The following TSHZ3 variants were observed in gnomAD, a reference collection of about 807,000 sequenced individuals.
The protein encoded by TSHZ3 is teashirt zinc finger homeobox 3.
TSHZ3 carries 10 observed loss-of-function variants against 64.5 expected under a neutral mutation model. The observed-to-expected ratio is 0.16, with a 90% CI of 0.10 to 0.26. The LOEUF (loss-of-function observed/expected upper bound fraction) is 0.26. Among genes scored for constraint, TSHZ3 ranks in the 10% least tolerant of loss-of-function variants. TSHZ3 has a pLI of 1.00. For missense variants in TSHZ3, 1,242 were observed against 1,421.7 expected (o/e 0.87, Z 2.03); for synonymous variants, 608 against 593.1 (o/e 1.03, Z -0.36).
exon 7 of TSHZ3, among the ~76,000 whole-genome samples, chr19:31,150,882 G>C (rs1362220684): frequency 6.6e-6 from 1 of 152,058 alleles, no homozygotes; most frequent in African/African-American, 2.4e-5. Context: ...ATCTAAGCTG[G>C]ACATCAGGAG....
intron 1 of TSHZ3, among the ~76,000 whole-genome samples, chr19:31,283,868 G>C (rs903869068): frequency 7.9e-5 from 12 of 152,306 alleles, no homozygotes; most frequent in African/African-American, 2.9e-4. Context: ...ATCAGGCAAG[G>C]AGGGGAGGAA....
At chr19:31,190,168 C>T (rs1341581425) in intron 5 of TSHZ3, among the ~76,000 whole-genome samples, 2 of 152,132 alleles carry the variant, frequency 1.3e-5, no homozygotes, top group African/African-American at 4.8e-5. Flanking sequence ...ATGGCTGGAA[C>T]TTAAAAGACA....
chr19:31,281,507 G>A (rs1976360677), intron 1 of TSHZ3, among the ~76,000 whole-genome samples: 1 of 152,158 alleles, frequency 6.6e-6, no homozygotes, highest in Non-Finnish European at 1.5e-5. Context: ...CAGGAGCCAT[G>A]GATGTTCTTT....
chr19:31,349,838 G>T (rs1247946212), upstream of TSHZ3, among the ~76,000 whole-genome samples: 1 of 148,498 alleles, frequency 6.7e-6, no homozygotes, highest in Non-Finnish European at 1.5e-5. Context: ...CGGCGGCGTC[G>T]GCAACAGGCA....
intron 3 of TSHZ3, among the ~76,000 whole-genome samples, chr19:31,235,316 C>A (rs1975591476): frequency 1.3e-5 from 2 of 152,120 alleles, no homozygotes; most frequent in Non-Finnish European, 2.9e-5. Flanking sequence ...AATAACTGAG[C>A]CTTTGTGGGC....
At chr19:31,290,042 G>C (rs1299121122) in intron 1 of TSHZ3, among the ~76,000 whole-genome samples, 1 of 152,150 alleles carries the variant, frequency 6.6e-6, no homozygotes, top group African/African-American at 2.4e-5. Context: ...ACCTTGCTAT[G>C]ATGAAGCAAG....
At chr19:31,293,766 A>G (rs1008323383) in intron 1 of TSHZ3, among the ~76,000 whole-genome samples, 1 of 152,158 alleles carries the variant, frequency 6.6e-6, no homozygotes, top group Non-Finnish European at 1.5e-5. Context: ...TTCCATATAC[A>G]CTACAGGAGC....
At chr19:31,225,600 A>T (rs1416699885) in intron 4 of TSHZ3, among the ~76,000 whole-genome samples, 1 of 152,166 alleles carries the variant, frequency 6.6e-6, no homozygotes, top group African/African-American at 2.4e-5. Context: ...CTATCGGCCC[A>T]TCTGCACCTC....
intron 1 of TSHZ3, among the ~76,000 whole-genome samples, chr19:31,332,267 A>G (rs1917118642): frequency 6.6e-6 from 1 of 152,176 alleles, no homozygotes; most frequent in African/African-American, 2.4e-5. Context: ...ACAACCCAGA[A>G]TGCGGCTCCC....
chr19:31,182,569 T>G (rs566754338), intron 5 of TSHZ3, among the ~76,000 whole-genome samples: 53 of 152,294 alleles, frequency 3.5e-4, no homozygotes, highest in Non-Finnish European at 6.8e-4. Flanking sequence ...TTCCAAGTGC[T>G]TCTAAGGAAA....
intron 1 of TSHZ3, among the ~76,000 whole-genome samples, chr19:31,323,701 G>A (rs888298316): frequency 1.3e-5 from 2 of 152,076 alleles, no homozygotes; most frequent in African/African-American, 2.4e-5. Flanking sequence ...CCAGGAAGAA[G>A]TTGGCTTCAG....
upstream of TSHZ3, among the ~76,000 whole-genome samples, chr19:31,349,747 C>T (rs1279373898): frequency 2.0e-5 from 3 of 147,992 alleles, no homozygotes; most frequent in Non-Finnish European, 3.0e-5. Context: ...GGCCGGGGGT[C>T]ACGGCATCCG....
At chr19:31,296,137 G>T (rs910565644) in intron 1 of TSHZ3, among the ~76,000 whole-genome samples, 13 of 151,654 alleles carry the variant, frequency 8.6e-5, no homozygotes, top group African/African-American at 2.9e-4. Context: ...AAGTTTGTGT[G>T]TGTGTGATTG....
In TSHZ3 at chr19:31,347,052, C is replaced by G. The variant is rs564788090; in HGVS notation, c.40+2128G>C. Reference sequence around the variant, plus strand: ...CCTGTCAGGAGAGAGACAATTAAATCAAATATGAAACAAAGTCGTTTTGAC... The same window carrying G: ...CCTGTCAGGAGAGAGACAATTAAATGAAATATGAAACAAAGTCGTTTTGAC... On this transcript the variant is annotated intron_variant, in intron 1 of 1. Coordinates refer to ENST00000240587, the MANE Select transcript of TSHZ3 (RefSeq NM_020856.4). Among the ~76,000 whole-genome samples the G allele has an allele frequency of 7.9e-5, 12 of 152,100 alleles. No homozygotes were observed. The South Asian group carries it at 2.5e-3, about 32-fold the overall frequency.
chr19:31,339,164 G>A (rs1438030993), intron 1 of TSHZ3, among the ~76,000 whole-genome samples: 1 of 150,880 alleles, frequency 6.6e-6, no homozygotes, highest in East Asian at 2.0e-4. Context: ...AGGGTGGCTT[G>A]AATGATACCT....
chr19:31,273,976 T>C (rs1976182913), downstream of TSHZ3, among the ~76,000 whole-genome samples: 1 of 152,010 alleles, frequency 6.6e-6, no homozygotes, highest in African/African-American at 2.4e-5. Context: ...GTAGTGAGTT[T>C]CTCCCTAAAA....
intron 1 of TSHZ3, among the ~76,000 whole-genome samples, chr19:31,281,595 T>G (rs1488748424): frequency 6.6e-6 from 1 of 152,170 alleles, no homozygotes; most frequent in East Asian, 1.9e-4. Flanking sequence ...TTTAAGGCCA[T>G]GCACTTTGAG....
At chr19:31,297,019 G>T (rs1431526001) in intron 1 of TSHZ3, among the ~76,000 whole-genome samples, 1 of 152,240 alleles carries the variant, frequency 6.6e-6, no homozygotes, top group East Asian at 1.9e-4. Flanking sequence ...TGACCTCAGT[G>T]GGAGCGGGAG....
chr19:31,268,250 A>C (rs1271971893), intron 1 of TSHZ3, among the ~76,000 whole-genome samples: 5 of 152,052 alleles, frequency 3.3e-5, no homozygotes, highest in Non-Finnish European at 7.3e-5. Context: ...TAAATTACCC[A>C]GTCTTGGGTA....
Sources: gnomAD v4.1 joint callset for allele counts (sites outside exome capture counted in the v4.1 genomes callset) on GRCh38, gnomAD v4.1.1 for gene constraint, MANE v1.5 for transcripts, NCBI Gene and HGNC (gene_info 2026-07-23, HGNC 2026-07-21) for gene names.